The following CDH13 variants were observed in gnomAD, a reference collection of about 807,000 sequenced individuals.
CDH13 encodes cadherin-13.
In CDH13, 24 loss-of-function variants were observed where a neutral mutation model predicts 63.8. The observed-to-expected ratio is 0.38, with a 90% CI of 0.27 to 0.53. The LOEUF (loss-of-function observed/expected upper bound fraction) is 0.53. CDH13 is among the 20% of genes least tolerant of loss of function. The probability of loss-of-function intolerance (pLI) is 0.85; values close to 1 mark genes in which losing one functional copy is unlikely to be tolerated. For missense variants in CDH13, 1,049 were observed against 903.1 expected, an observed-to-expected ratio of 1.16 and a Z score of -2.07; for synonymous variants, 503 against 355.3, an observed-to-expected ratio of 1.42 and a Z score of -4.67.
In CDH13 at chr16:82,897,880, C is replaced by A. The variant is rs143019846; in HGVS notation, c.157+39407C>A. 2.4e-3 allele frequency among the ~76,000 whole-genome samples: 371 copies of A among 152,304 alleles called. 2 individuals are homozygous for A. Among genetic ancestry groups the A allele is most frequent in the African/African-American group, 8.7e-3 (360 of 41,568 alleles). On this transcript the variant is annotated intron_variant, in intron 2 of 13. Transcript: ENST00000567109. ...TCATTGGCCATTTATTCATTGTTCA[C>A]TAGTCGGCAAACATTTATCAAACTC...
intron 6 of CDH13, among the ~76,000 whole-genome samples, chr16:83,413,780 G>A (rs62040065): frequency 0.11 from 16,975 of 152,074 alleles, 1,216 homozygotes; most frequent in South Asian, 0.18. Flanking sequence ...CTGAGGTTGG[G>A]AGTTCGAGTC....
At chr16:83,051,084 A>G (rs1178521504) in intron 3 of CDH13, among the ~76,000 whole-genome samples, 2 of 152,086 alleles carry the variant, frequency 1.3e-5, no homozygotes, top group African/African-American at 2.4e-5. Context: ...CTGTGATCCA[A>G]TCTGCGTGCC....
chr16:83,072,726 T>C (rs1050053598), intron 3 of CDH13, among the ~76,000 whole-genome samples: 2 of 152,188 alleles, frequency 1.3e-5, no homozygotes, highest in Non-Finnish European at 2.9e-5. Context: ...CCCCACATTT[T>C]GCTCCCTTTT....
chr16:83,656,173 G>C (rs1912851332), intron 8 of CDH13, among the ~76,000 whole-genome samples: 1 of 152,176 alleles, frequency 6.6e-6, no homozygotes, highest in Non-Finnish European at 1.5e-5. Flanking sequence ...CGTAGAAATG[G>C]AATCATATAG....
At chr16:83,741,773 G>A (rs1009238411) in intron 10 of CDH13, among the ~76,000 whole-genome samples, 7 of 152,068 alleles carry the variant, frequency 4.6e-5, no homozygotes, top group African/African-American at 1.7e-4. Context: ...GCAAACATGG[G>A]TCCCCTACAT....
intron 8 of CDH13, among the ~76,000 whole-genome samples, chr16:83,652,462 G>C (rs1912473750): frequency 6.6e-6 from 1 of 152,082 alleles, no homozygotes; most frequent in Non-Finnish European, 1.5e-5. Flanking sequence ...TGGGCTGCAG[G>C]GGTCTGTGTA....
chr16:83,256,076 C>G (rs1032358362), intron 5 of CDH13, among the ~76,000 whole-genome samples: 1 of 152,164 alleles, frequency 6.6e-6, no homozygotes, highest in Non-Finnish European at 1.5e-5. Context: ...TTTTGTCACC[C>G]AGGCTGAAGT....
intron 2 of CDH13, among the ~76,000 whole-genome samples, chr16:82,917,301 T>C (rs1191330927): frequency 6.6e-6 from 1 of 152,106 alleles, no homozygotes; most frequent in African/African-American, 2.4e-5. Flanking sequence ...ACGCTCAGGG[T>C]TACGTCAGGA....
intron 10 of CDH13, among the ~76,000 whole-genome samples, chr16:83,736,607 C>T (rs866861418): frequency 6.6e-6 from 1 of 151,840 alleles, no homozygotes; most frequent in Non-Finnish European, 1.5e-5. Flanking sequence ...TGTTTCCTTA[C>T]TCTAATAGCT....
At chr16:83,136,486 CAAAAAAAAAAA>C (rs542700844) in intron 4 of CDH13, among the ~76,000 whole-genome samples, 3 of 61,552 alleles carry the variant, frequency 4.9e-5, no homozygotes, top group Non-Finnish European at 7.1e-5. Context: ...ACTCTGTCTC[CAAAAAAAAAAA>C]AAAAAAAAAA....
At chr16:83,675,595 A>C (rs1914887895) in intron 9 of CDH13, among the ~76,000 whole-genome samples, 1 of 152,146 alleles carries the variant, frequency 6.6e-6, no homozygotes, top group African/African-American at 2.4e-5. Context: ...CACCAGGCCT[A>C]GCTCCATGGG....
At chr16:83,444,348 C>G (rs1250028394) in intron 6 of CDH13, among the ~76,000 whole-genome samples, 4 of 152,214 alleles carry the variant, frequency 2.6e-5, no homozygotes, top group Non-Finnish European at 4.4e-5. Context: ...AGCACCATCA[C>G]ATGAAGTACA....
chr16:82,872,932 A>G (rs993976577), intron 2 of CDH13, among the ~76,000 whole-genome samples: 7 of 152,196 alleles, frequency 4.6e-5, no homozygotes, highest in African/African-American at 1.7e-4. Flanking sequence ...AGCTTTGATG[A>G]TATCAGAGAG....
intron 3 of CDH13, among the ~76,000 whole-genome samples, chr16:83,091,435 C>A (rs961948822): frequency 6.6e-6 from 1 of 152,170 alleles, no homozygotes; most frequent in Non-Finnish European, 1.5e-5. Context: ...ATGAAAATCA[C>A]AAAGGATGAC....
At chr16:83,629,228 A>G (rs1446871156) in intron 8 of CDH13, among the ~76,000 whole-genome samples, 1 of 152,246 alleles carries the variant, frequency 6.6e-6, no homozygotes, top group Non-Finnish European at 1.5e-5. Context: ...ACCTAAATAG[A>G]GATTGCCCAA....
chr16:83,453,250 A>G (rs964670127), intron 6 of CDH13, among the ~76,000 whole-genome samples: 1 of 152,184 alleles, frequency 6.6e-6, no homozygotes, highest in African/African-American at 2.4e-5. Context: ...ATAAAAGACT[A>G]CAAATTGAGT....
intron 2 of CDH13, among the ~76,000 whole-genome samples, chr16:82,985,865 A>G (rs953124966): frequency 1.3e-5 from 2 of 152,056 alleles, no homozygotes; most frequent in East Asian, 3.9e-4. Context: ...TTAAAAGCAC[A>G]TAGCACCTCC....
intron 11 of CDH13, among the ~76,000 whole-genome samples, chr16:83,779,356 G>A (rs1318226970): frequency 7.9e-6 from 1 of 125,888 alleles, no homozygotes; most frequent in East Asian, 2.7e-4. Context: ...GCAGTGAGTC[G>A]AGATTGCGCC....
At chr16:83,508,099 A>AAGGAAGTAAGGAAG (rs1491205296) in intron 7 of CDH13, among the ~76,000 whole-genome samples, 1 of 59,852 alleles carries the variant, frequency 1.7e-5, no homozygotes, top group Non-Finnish European at 3.1e-5. Context: ...AAGGAAGGAA[A>AAGGAAGTAAGGAAG]GAAGGAAGGA....
Sources: allele counts gnomAD v4.1 joint callset (sites outside exome capture counted in the v4.1 genomes callset), GRCh38; gene constraint gnomAD v4.1.1; transcripts MANE v1.5; gene names NCBI Gene and HGNC (gene_info 2026-07-23, HGNC 2026-07-21).